Variants in FAM81A observed in about 807,000 individuals in gnomAD.
The protein encoded by FAM81A is family with sequence similarity 81 member A.
FAM81A carries 19 observed loss-of-function variants against 46.7 expected under a neutral mutation model. That is an observed-to-expected ratio of 0.41 (90% CI 0.28 to 0.60). The LOEUF (loss-of-function observed/expected upper bound fraction) is 0.60. FAM81A is among the 20% of genes least tolerant of loss of function. FAM81A has a pLI of 0.34. For missense variants in FAM81A, 377 were observed against 453.5 expected, an observed-to-expected ratio of 0.83 and a Z score of 1.53; for synonymous variants, 183 against 152.9, an observed-to-expected ratio of 1.20 and a Z score of -1.45.
Position 59,441,297 on chromosome 15 carries a change from G to A in FAM81A, c.-78+3015G>A, listed in dbSNP as rs544680720. 1.8e-4 allele frequency among the ~76,000 whole-genome samples: 28 copies of A among 152,222 alleles called. No individual in the cohort carries two copies. The South Asian group carries it at 4.2e-3, about 23-fold the overall frequency. On this transcript the variant is annotated intron_variant, in intron 1 of 8. Coordinates refer to ENST00000288228, the MANE Select transcript of FAM81A (RefSeq NM_152450.3). ...CATAAGAAACTCTGGTGGGGTCCTC[G>A]CTCTGTCCAGTAGAATTTTCTGCGG... is the stretch of plus-strand genomic sequence containing the variant.
chr15:59,446,161 A>G (rs1370314770), intron 1 of FAM81A, among the ~76,000 whole-genome samples: 1 of 151,842 alleles, frequency 6.6e-6, no homozygotes, highest in African/African-American at 2.4e-5. Context: ...TTCATGTAGG[A>G]TGTGGTTTCC....
chr15:59,468,863 T>A (rs1361303261), intron 3 of FAM81A, among the ~76,000 whole-genome samples: 1 of 152,230 alleles, frequency 6.6e-6, no homozygotes, highest in Non-Finnish European at 1.5e-5. Context: ...TGCTATAAAT[T>A]TCTGTCTACA....
chr15:59,419,819 A>C lies in FAM81A; in HGVS notation c.-78+17461A>C, dbSNP rs536376236. Among the ~76,000 whole-genome samples the C allele has an allele frequency of 9.2e-5, 14 of 151,546 alleles. 1 individual carries two copies. The highest frequency in any genetic ancestry group is 4.2e-4 in the South Asian group (2 of 4,758). On this transcript the variant is annotated intron_variant, in intron 2 of 4. Transcript: ENST00000558348. ...AGAATCACTCCTGGAGCTGGATTGC[A>C]GGGAGCCGAGATCACACCACTGTAC...
chr15:59,446,833 T>C (rs1041842195), intron 1 of FAM81A, among the ~76,000 whole-genome samples: 1 of 152,232 alleles, frequency 6.6e-6, no homozygotes, highest in Non-Finnish European at 1.5e-5. Flanking sequence ...TCAAGCCTTG[T>C]TCTGTGCCCA....
chr15:59,520,525 A>T (rs1360526406), intron 8 of FAM81A, among the ~76,000 whole-genome samples: 1 of 147,974 alleles, frequency 6.8e-6, no homozygotes, highest in Non-Finnish European at 1.5e-5. Flanking sequence ...GCCAGCCAGC[A>T]TTTTGTAGAC....
At chr15:59,516,879 T>C (rs2082273481) in intron 8 of FAM81A, 39 bp downstream of exon 8, 1 of 1,521,968 alleles carries the variant, frequency 6.6e-7, no homozygotes, top group African/African-American at 1.4e-5. Flanking sequence ...CTTTATTTTC[T>C]GTTTGTTCTA....
rs1354858313 is a variant in FAM81A at position 59,425,262 on chromosome 15, G to C, written c.-78+22904G>C. Among the ~76,000 whole-genome samples, 4 of 152,170 alleles carry C rather than the reference G, an allele frequency of 2.6e-5. No individual in the cohort carries two copies. In the East Asian group the frequency reaches 5.8e-4, roughly 22 times the overall value. On this transcript the variant is annotated intron_variant, in intron 2 of 4. Transcript: ENST00000558348. ...CCTGATACAGTCTAGGTGCTTGATG[G>C]ATGAAGAAATTGAGGCTCAAACAAA...
chr15:59,510,777 CAAAAAAAAAAAAAA>C (rs71119479), intron 6 of FAM81A, among the ~76,000 whole-genome samples: 4 of 25,774 alleles, frequency 1.6e-4, no homozygotes, highest in African/African-American at 3.2e-4. Flanking sequence ...GACCCTGTCT[CAAAAAAAAAAAAAA>C]AAAAAAAAAA....
chr15:59,451,884 C>T (rs2081423538), intron 1 of FAM81A, among the ~76,000 whole-genome samples: 1 of 152,210 alleles, frequency 6.6e-6, no homozygotes, highest in African/African-American at 2.4e-5. Flanking sequence ...TATGAAATTA[C>T]TTCAATTCAG....
Position 59,521,456 on chromosome 15 carries a change from G to T in FAM81A, c.*78G>T, listed in dbSNP as rs753308914. The T allele has an allele frequency of 1.0e-5, 15 of 1,492,254 alleles. No homozygotes were observed. The highest frequency in any genetic ancestry group is 1.3e-5 in the Non-Finnish European group (15 of 1,114,824). 92.4% of individuals were successfully genotyped at this position (1,492,254 alleles called of 1,614,324 possible). ...CGGATACCTCTGTAGCCAGGCCATC[G>T]CTGCATTCAGGATTGTTCCATCCAT... On this transcript the variant is annotated 3_prime_UTR_variant, in exon 9 of 9. Coordinates refer to ENST00000288228, the MANE Select transcript of FAM81A (RefSeq NM_152450.3).
chr15:59,487,890 A>G (rs1390753504), intron 3 of FAM81A, among the ~76,000 whole-genome samples: 1 of 152,206 alleles, frequency 6.6e-6, no homozygotes, highest in African/African-American at 2.4e-5. Context: ...AATACTTCCA[A>G]ACTCATTCTA....
chr15:59,519,032 A>G (rs1451986073), intron 8 of FAM81A, among the ~76,000 whole-genome samples: 1 of 151,776 alleles, frequency 6.6e-6, no homozygotes, highest in East Asian at 1.9e-4. Context: ...ACAATACAAT[A>G]TTATTGACTG....
chr15:59,436,664 A>G (rs757369289), upstream of FAM81A, among the ~76,000 whole-genome samples: 17 of 152,214 alleles, frequency 1.1e-4, no homozygotes, highest in Non-Finnish European at 1.8e-4. Context: ...ACTGGGAAGC[A>G]GAGTGACAGT....
chr15:59,473,783 A>G (rs1203080625), intron 3 of FAM81A, among the ~76,000 whole-genome samples: 1 of 152,214 alleles, frequency 6.6e-6, no homozygotes, highest in Admixed American at 6.5e-5. Flanking sequence ...TGTCGGATCC[A>G]GGGAATAATT....
At position 59,502,693 on chromosome 15, in the gene FAM81A, T is replaced by A. The variant is rs371744207; in HGVS notation, c.414-4520T>A. Among the ~76,000 whole-genome samples the A allele has an allele frequency of 1.5e-4, 23 of 152,080 alleles. No homozygotes were observed. In the East Asian group the frequency reaches 4.5e-3, roughly 30 times the overall value. ...CACGCCCGGCTAATTTTTGTATTTT[T>A]TATTTTTTAGTAGAGACGGGGTTTT... On this transcript the variant is annotated intron_variant, in intron 4 of 8. Transcript: ENST00000288228.
intron 3 of FAM81A, among the ~76,000 whole-genome samples, chr15:59,473,306 C>A (rs1469064707): frequency 6.6e-6 from 1 of 152,194 alleles, no homozygotes; most frequent in Non-Finnish European, 1.5e-5. Context: ...ATGATGAAAT[C>A]TTTCACCACC....
chr15:59,475,268 C>A (rs1329755948), intron 3 of FAM81A, among the ~76,000 whole-genome samples: 2 of 152,052 alleles, frequency 1.3e-5, no homozygotes, highest in African/African-American at 4.8e-5. Flanking sequence ...CCTCAGCCTC[C>A]CAAGTAGCTG....
chr15:59,474,126 A>C (rs2081735230), intron 3 of FAM81A, among the ~76,000 whole-genome samples: 1 of 151,906 alleles, frequency 6.6e-6, no homozygotes, highest in Non-Finnish European at 1.5e-5. Flanking sequence ...AACTCGTGCC[A>C]CTCTTACTAT....
intron 2 of FAM81A, among the ~76,000 whole-genome samples, chr15:59,409,691 T>A (rs2081112247): frequency 6.6e-6 from 1 of 152,206 alleles, no homozygotes; most frequent in African/African-American, 2.4e-5. Flanking sequence ...CTAGAAGACA[T>A]GTCCTCATCA....
Sources: gnomAD v4.1 joint callset for allele counts (sites outside exome capture counted in the v4.1 genomes callset) on GRCh38, gnomAD v4.1.1 for gene constraint, MANE v1.5 for transcripts, NCBI Gene and HGNC (gene_info 2026-07-23, HGNC 2026-07-21) for gene names.